STK3: variants seen among roughly 807,000 people sequenced by gnomAD.
STK3 encodes the protein serine/threonine kinase 3.
STK3 carries 41 observed loss-of-function variants against 58.0 expected under a neutral mutation model. That is an observed-to-expected ratio of 0.71 (90% CI 0.55 to 0.92). The LOEUF is 0.92. STK3 is among the 40% of genes least tolerant of loss of function. STK3 has a pLI of 0.00. For synonymous variants in STK3, 170 were observed against 191.0 expected, an observed-to-expected ratio of 0.89 and a Z score of 0.91; for missense variants, 479 against 602.7, an observed-to-expected ratio of 0.79 and a Z score of 2.15.
intron 3 of STK3, among the ~76,000 whole-genome samples, chr8:98,750,584 T>G (rs1438542088): frequency 1.3e-5 from 2 of 151,030 alleles, no homozygotes; most frequent in Non-Finnish European, 2.9e-5. Flanking sequence ...AGCTATGCTC[T>G]AACACTGAGG....
intron 1 of STK3, among the ~76,000 whole-genome samples, chr8:98,928,573 A>G (rs1839891969): frequency 6.6e-6 from 1 of 152,216 alleles, no homozygotes; most frequent in Non-Finnish European, 1.5e-5. Flanking sequence ...AGGTTCCTGC[A>G]CTGCAGAGCA....
intron 10 of STK3, among the ~76,000 whole-genome samples, chr8:98,479,869 G>A (rs1821707425): frequency 6.6e-6 from 1 of 152,058 alleles, no homozygotes; most frequent in Admixed American, 6.5e-5. Flanking sequence ...TGAAAAGAAT[G>A]GGAAATCTCA....
At chr8:98,500,533 C>G (rs1403706609) in intron 10 of STK3, among the ~76,000 whole-genome samples, 1 of 152,072 alleles carries the variant, frequency 6.6e-6, no homozygotes, top group Non-Finnish European at 1.5e-5. Context: ...CCATGACAGG[C>G]CCCCATGTGT....
intron 1 of STK3, among the ~76,000 whole-genome samples, chr8:98,893,421 G>GGAAAGAAA (rs1230218579): frequency 5.5e-4 from 33 of 60,532 alleles, no homozygotes; most frequent in Middle Eastern, 6.8e-3. Context: ...AAGGAAGGAA[G>GGAAAGAAA]GAAAGAAAGA....
intron 4 of STK3, among the ~76,000 whole-genome samples, chr8:98,723,299 T>C (rs1163889124): frequency 6.6e-6 from 1 of 152,162 alleles, no homozygotes; most frequent in Non-Finnish European, 1.5e-5. Context: ...TTTCAATTGG[T>C]ATGAATTCAC....
At chr8:98,682,548 T>C (rs1179063321) in intron 6 of STK3, among the ~76,000 whole-genome samples, 2 of 152,158 alleles carry the variant, frequency 1.3e-5, no homozygotes, top group Non-Finnish European at 2.9e-5. Context: ...ATTATGCAAA[T>C]TAAATGATCC....
At chr8:98,602,101 A>G (rs1441887499) in intron 6 of STK3, 2 of 152,276 alleles carry the variant, frequency 1.3e-5, no homozygotes, top group African/African-American at 4.8e-5. Context: ...TCTCAACTTC[A>G]GAACTTTCCA....
intron 3 of STK3, chr8:98,432,820 C>A (rs1818356112): frequency 6.0e-6 from 1 of 166,822 alleles, no homozygotes; most frequent in Non-Finnish European, 1.5e-5. Context: ...TAACACACTA[C>A]TGTGCAAGCA....
At chr8:98,765,670 G>T (rs1256636910) in intron 3 of STK3, among the ~76,000 whole-genome samples, 1 of 152,218 alleles carries the variant, frequency 6.6e-6, no homozygotes, top group Non-Finnish European at 1.5e-5. Context: ...TAGCAGCCCT[G>T]TTGTAGCCAT....
chr8:98,900,869 C>T (rs567228824), intron 1 of STK3, among the ~76,000 whole-genome samples: 1 of 152,022 alleles, frequency 6.6e-6, no homozygotes, highest in African/African-American at 2.4e-5. Flanking sequence ...AGCATGTTGG[C>T]CAAGCTAGTC....
chr8:98,756,857 C>T (rs1830316639), intron 3 of STK3, among the ~76,000 whole-genome samples: 1 of 152,204 alleles, frequency 6.6e-6, no homozygotes, highest in Non-Finnish European at 1.5e-5. Flanking sequence ...GTCAACTTTT[C>T]ACCTGCCCAA....
intron 10 of STK3, among the ~76,000 whole-genome samples, chr8:98,482,596 T>C (rs931763034): frequency 2.0e-5 from 3 of 152,046 alleles, no homozygotes; most frequent in African/African-American, 7.2e-5. Flanking sequence ...CAATGACCAA[T>C]ATTCAAACAG....
chr8:98,670,274 C>T (rs1040562171), intron 6 of STK3, among the ~76,000 whole-genome samples: 4 of 152,036 alleles, frequency 2.6e-5, no homozygotes, highest in East Asian at 1.9e-4. Context: ...GAGGCTGAGG[C>T]GAGCAGGTGC....
chr8:98,559,314 T>G (rs2131624592), intron 8 of STK3, among the ~76,000 whole-genome samples: 1 of 152,250 alleles, frequency 6.6e-6, no homozygotes, highest in Middle Eastern at 3.4e-3. Context: ...GGTATAATCT[T>G]TTCCTTGAGA....
At chr8:98,459,852 G>A (rs1247831823) in intron 10 of STK3, among the ~76,000 whole-genome samples, 1 of 152,240 alleles carries the variant, frequency 6.6e-6, no homozygotes, top group Admixed American at 6.5e-5. Flanking sequence ...AGACTTCAGA[G>A]GATGTAATGG....
Position 98,630,251 on chromosome 8 carries a change from T to C in STK3, c.685-34082A>G, listed in dbSNP as rs182813876. Among the ~76,000 whole-genome samples the C allele has an allele frequency of 1.1e-3, 163 of 152,322 alleles. 1 individual carries two copies. The highest frequency in any genetic ancestry group is 3.4e-3 in the African/African-American group (140 of 41,570). ...GTCTCCTGACGTGTTAGTTTCACCA[T>C]ATTTGAATAATAATATAAACCACAT... On this transcript the variant is annotated intron_variant, in intron 6 of 10. Coordinates refer to ENST00000419617, the MANE Select transcript of STK3 (RefSeq NM_006281.4).
chr8:98,740,089 CTA>C (rs1829051987), intron 4 of STK3, among the ~76,000 whole-genome samples: 1 of 152,162 alleles, frequency 6.6e-6, no homozygotes, highest in African/African-American at 2.4e-5. Context: ...AAATATGGGA[CTA>C]TGTGAAAAGA....
At chr8:98,925,397 C>G (rs139476504) in intron 1 of STK3, among the ~76,000 whole-genome samples, 1 of 152,222 alleles carries the variant, frequency 6.6e-6, no homozygotes, top group African/African-American at 2.4e-5. Context: ...TATTCTGCAA[C>G]AAGTTCCTTA....
chr8:98,876,393 A>T (rs1319542911), intron 3 of STK3, among the ~76,000 whole-genome samples: 1 of 152,154 alleles, frequency 6.6e-6, no homozygotes, highest in African/African-American at 2.4e-5. Context: ...CTCTCAATGG[A>T]TCCAGCCACC....
Sources: gnomAD v4.1 joint callset for allele counts (sites outside exome capture counted in the v4.1 genomes callset) on GRCh38, gnomAD v4.1.1 for gene constraint, MANE v1.5 for transcripts, NCBI Gene and HGNC (gene_info 2026-07-23, HGNC 2026-07-21) for gene names.